GABRG3: variants seen among roughly 807,000 people sequenced by gnomAD.
The protein encoded by GABRG3 is gamma-aminobutyric acid receptor subunit gamma-3.
Under a neutral mutation model 48.8 loss-of-function variants are expected in GABRG3, and 25 were observed. That is an observed-to-expected ratio of 0.51 (90% confidence interval 0.37 to 0.72). The LOEUF is 0.72. Ranked by LOEUF, GABRG3 falls within the 30% of genes least tolerant of loss-of-function variation. The probability of loss-of-function intolerance (pLI) is 0.00; values close to 1 mark genes in which losing one functional copy is unlikely to be tolerated. For synonymous variants in GABRG3, 227 were observed against 217.6 expected (o/e 1.04, Z -0.38); for missense variants, 394 against 577.9 (o/e 0.68, Z 3.26).
At chr15:27,221,332 G>GT (rs1451965070) in intron 3 of GABRG3, among the ~76,000 whole-genome samples, 1 of 151,966 alleles carries the variant, frequency 6.6e-6, no homozygotes, top group African/African-American at 2.4e-5. Flanking sequence ...AGACCAGCCA[G>GT]TTCCCCATGC....
chr15:27,371,674 C>A (rs1368246949), intron 5 of GABRG3, among the ~76,000 whole-genome samples: 2 of 152,094 alleles, frequency 1.3e-5, no homozygotes, highest in East Asian at 3.9e-4. Context: ...TTGTTTGCAT[C>A]CAAGTCTGTA....
At chr15:27,444,998 A>G (rs1307741814) in intron 5 of GABRG3, among the ~76,000 whole-genome samples, 1 of 152,072 alleles carries the variant, frequency 6.6e-6, no homozygotes, top group Non-Finnish European at 1.5e-5. Context: ...CAGCCTCCCA[A>G]GTAGCTGTGA....
chr15:26,996,974 C>T (rs1895353561), intron 2 of GABRG3, among the ~76,000 whole-genome samples: 1 of 152,092 alleles, frequency 6.6e-6, no homozygotes, highest in Non-Finnish European at 1.5e-5. Context: ...TTTAATAGCA[C>T]CACACATCTC....
At chr15:27,434,911 A>G (rs1159785683) in intron 5 of GABRG3, among the ~76,000 whole-genome samples, 1 of 152,114 alleles carries the variant, frequency 6.6e-6, no homozygotes, top group Non-Finnish European at 1.5e-5. Context: ...CCATCTATGC[A>G]TTTACTTCAG....
intron 3 of GABRG3, among the ~76,000 whole-genome samples, chr15:27,262,208 G>A (rs1313099643): frequency 1.3e-5 from 2 of 152,196 alleles, no homozygotes; most frequent in Non-Finnish European, 1.5e-5. Context: ...TGAGTGCCTC[G>A]GTCTTTAATG....
chr15:27,338,937 A>C (rs1308479389), intron 5 of GABRG3, among the ~76,000 whole-genome samples: 1 of 152,174 alleles, frequency 6.6e-6, no homozygotes, highest in Non-Finnish European at 1.5e-5. Context: ...TGTGTATTAT[A>C]ATAAGCCAGG....
At chr15:27,438,234 G>T (rs939826143) in intron 5 of GABRG3, among the ~76,000 whole-genome samples, 3 of 152,124 alleles carry the variant, frequency 2.0e-5, no homozygotes, top group Non-Finnish European at 4.4e-5. Flanking sequence ...TATTTAACTG[G>T]CACTGGAATT....
intron 3 of GABRG3, among the ~76,000 whole-genome samples, chr15:27,252,758 C>G (rs1220974666): frequency 6.6e-6 from 1 of 152,202 alleles, no homozygotes; most frequent in Non-Finnish European, 1.5e-5. Flanking sequence ...ATAATTCAAC[C>G]TCATCATCTT....
At chr15:27,059,236 C>T (rs2140720703) in intron 3 of GABRG3, among the ~76,000 whole-genome samples, 1 of 152,326 alleles carries the variant, frequency 6.6e-6, no homozygotes, top group East Asian at 1.9e-4. Context: ...AAGGGCACCC[C>T]TACTGCTCTC....
chr15:27,217,570 G>A (rs948057223), intron 3 of GABRG3, among the ~76,000 whole-genome samples: 1 of 152,198 alleles, frequency 6.6e-6, no homozygotes, highest in African/African-American at 2.4e-5. Flanking sequence ...CCAGCAGGGA[G>A]CCTCCAGGAT....
intron 9 of GABRG3, chr15:27,530,666 T>C (rs1209909799): frequency 2.1e-6 from 1 of 471,048 alleles, no homozygotes; most frequent in African/African-American, 2.0e-5. Context: ...TTTAGATCTC[T>C]GGTGAGCCAT....
intron 3 of GABRG3, among the ~76,000 whole-genome samples, chr15:27,125,746 T>C (rs933679378): frequency 6.6e-6 from 1 of 152,278 alleles, no homozygotes; most frequent in African/African-American, 2.4e-5. Context: ...AAAGGAAGAG[T>C]ATCTCTCAGA....
In GABRG3 at chr15:27,150,113, AC is replaced by A. The variant is rs1205769321; in HGVS notation, c.270+123293del. ...CTTCCTGAAGGTGTCCAGAGGTGATACAACCATCATTTAGATGTTTCTTTTG... is the reference window on the plus strand; with the variant it reads ...CTTCCTGAAGGTGTCCAGAGGTGATAAACCATCATTTAGATGTTTCTTTTG... On this transcript the variant is annotated intron_variant, in intron 3 of 9. Transcript: ENST00000615808. Among the ~76,000 whole-genome samples the A allele has an allele frequency of 3.9e-5, 6 of 152,360 alleles. No homozygotes were observed. The East Asian group carries it at 1.2e-3, about 29-fold the overall frequency.
intron 5 of GABRG3, among the ~76,000 whole-genome samples, chr15:27,361,980 G>T (rs1895038376): frequency 6.6e-6 from 1 of 152,144 alleles, no homozygotes; most frequent in African/African-American, 2.4e-5. Context: ...AAAGACCGAG[G>T]TAAAAATTAA....
chr15:27,477,297 T>C (rs1413688150), intron 5 of GABRG3, among the ~76,000 whole-genome samples: 1 of 152,164 alleles, frequency 6.6e-6, no homozygotes, highest in Non-Finnish European at 1.5e-5. Flanking sequence ...AAAAATTAAA[T>C]GCATATTACT....
chr15:27,023,188 A>C (rs1276817012), intron 2 of GABRG3, among the ~76,000 whole-genome samples: 1 of 152,154 alleles, frequency 6.6e-6, no homozygotes, highest in African/African-American at 2.4e-5. Flanking sequence ...ATTTCTTTTA[A>C]AAAATAGAAT....
intron 3 of GABRG3, among the ~76,000 whole-genome samples, chr15:27,212,639 CGTT>C (rs1889113152): frequency 6.6e-6 from 1 of 152,164 alleles, no homozygotes; most frequent in African/African-American, 2.4e-5. Context: ...AGCACATTCA[CGTT>C]GTCGTACAAC....
intron 5 of GABRG3, among the ~76,000 whole-genome samples, chr15:27,478,947 A>G (rs1797298853): frequency 6.6e-6 from 1 of 152,168 alleles, no homozygotes; most frequent in Non-Finnish European, 1.5e-5. Flanking sequence ...GAATAGACCA[A>G]ACTATAGTGA....
At chr15:27,259,159 G>C (rs1340477925) in intron 3 of GABRG3, among the ~76,000 whole-genome samples, 1 of 152,156 alleles carries the variant, frequency 6.6e-6, no homozygotes, top group Non-Finnish European at 1.5e-5. Flanking sequence ...AGTTGATTCT[G>C]TCTTGACTAT....
Sources: allele counts gnomAD v4.1 joint callset (sites outside exome capture counted in the v4.1 genomes callset), GRCh38; gene constraint gnomAD v4.1.1; transcripts MANE v1.5; gene names NCBI Gene and HGNC (gene_info 2026-07-23, HGNC 2026-07-21).